The following LRP1B variants were observed in gnomAD, a reference collection of about 807,000 sequenced individuals.
LRP1B encodes the protein LDL receptor related protein 1B, also known as low-density lipoprotein receptor-related protein 1B.
LRP1B carries 217 observed loss-of-function variants against 556.6 expected under a neutral mutation model. That is an observed-to-expected ratio of 0.39 (90% CI 0.35 to 0.44). LRP1B has a LOEUF of 0.44. Among genes scored for constraint, LRP1B ranks in the 20% least tolerant of loss-of-function variants. The pLI is 1.00. For missense variants in LRP1B, 5,053 were observed against 5,620.8 expected (o/e 0.90, Z 3.23); for synonymous variants, 2,047 against 1,865.8 (o/e 1.10, Z -2.50).
chr2:141,451,043 A>C (rs1573959575), intron 3 of LRP1B, among the ~76,000 whole-genome samples: 1 of 152,328 alleles, frequency 6.6e-6, no homozygotes, highest in East Asian at 1.9e-4. Context: ...TAATGACTAT[A>C]ATTCCAAGAC....
At chr2:140,937,961 C>T (rs1695278700) in intron 20 of LRP1B, among the ~76,000 whole-genome samples, 2 of 151,300 alleles carry the variant, frequency 1.3e-5, no homozygotes, top group Admixed American at 1.3e-4. Context: ...TGATTTTCCA[C>T]AAAGAACATA....
chr2:140,252,839 A>C (rs569103912), intron 86 of LRP1B, among the ~76,000 whole-genome samples: 9 of 152,206 alleles, frequency 5.9e-5, no homozygotes, highest in African/African-American at 1.9e-4. Flanking sequence ...AGATGTATCT[A>C]ATATATCTTT....
chr2:141,086,014 G>A lies in LRP1B; in HGVS notation c.1014-23741C>T, dbSNP rs535717779. Among the ~76,000 whole-genome samples the A allele has an allele frequency of 3.3e-5, 5 of 152,256 alleles. No homozygotes were observed. In the South Asian group the frequency reaches 8.3e-4, roughly 25 times the overall value. On this transcript the variant is annotated intron_variant, in intron 7 of 90. Transcript: ENST00000389484. ...TTGGTGATACTACACAGGCAATATT[G>A]GTAGTTTTCATGCATGCCAGAGGAA...
intron 1 of LRP1B, among the ~76,000 whole-genome samples, chr2:141,909,530 T>TTTTTC (rs1699852450): frequency 2.4e-5 from 1 of 41,182 alleles, no homozygotes; most frequent in Admixed American, 2.0e-4. Context: ...TCAGACATTT[T>TTTTTC]TTTTTTTTTT....
At chr2:140,491,584 GAA>G (rs199708824) in intron 57 of LRP1B, among the ~76,000 whole-genome samples, 2 of 151,732 alleles carry the variant, frequency 1.3e-5, no homozygotes, top group Non-Finnish European at 1.5e-5. Flanking sequence ...TAAAAATACA[GAA>G]AAAAATATAT....
intron 2 of LRP1B, among the ~76,000 whole-genome samples, chr2:141,594,248 G>A (rs1483512043): frequency 6.6e-6 from 1 of 152,058 alleles, no homozygotes; most frequent in Non-Finnish European, 1.5e-5. Context: ...ACTCTCTGGT[G>A]TGTGTGTGCC....
intron 25 of LRP1B, among the ~76,000 whole-genome samples, chr2:140,868,626 A>C (rs1294772651): frequency 1.3e-5 from 2 of 152,084 alleles, no homozygotes; most frequent in Non-Finnish European, 2.9e-5. Context: ...TAAACAACAT[A>C]TGCTAAGGCC....
intron 1 of LRP1B, among the ~76,000 whole-genome samples, chr2:141,948,628 T>C (rs987088738): frequency 6.6e-6 from 1 of 151,982 alleles, no homozygotes; most frequent in African/African-American, 2.4e-5. Context: ...TTGATGAGCA[T>C]TGAAGCCAAT....
At chr2:141,292,801 A>G (rs1005594476) in intron 3 of LRP1B, among the ~76,000 whole-genome samples, 5 of 152,194 alleles carry the variant, frequency 3.3e-5, no homozygotes, top group Admixed American at 6.5e-5. Context: ...GAATCGAAAT[A>G]AACTTGACAA....
intron 3 of LRP1B, among the ~76,000 whole-genome samples, chr2:141,361,834 AT>A (rs552896627): frequency 1.2e-3 from 179 of 152,284 alleles, no homozygotes; most frequent in African/African-American, 4.1e-3. Context: ...TAAGAAAAAA[AT>A]ATCTATCATT....
At chr2:141,112,071 T>TAAATAAATAAATAAATA (rs1553461490) in intron 7 of LRP1B, among the ~76,000 whole-genome samples, 5 of 145,754 alleles carry the variant, frequency 3.4e-5, no homozygotes, top group African/African-American at 1.3e-4. Context: ...AATAAATAAA[T>TAAATAAATAAATAAATA]AATAAATAAA....
intron 3 of LRP1B, among the ~76,000 whole-genome samples, chr2:141,318,937 G>A (rs1211663850): frequency 6.6e-6 from 1 of 151,978 alleles, no homozygotes; most frequent in Admixed American, 6.6e-5. Flanking sequence ...AATCCCGAGA[G>A]AACAGCTTTT....
intron 1 of LRP1B, among the ~76,000 whole-genome samples, chr2:141,894,690 G>A (rs1212609858): frequency 7.4e-6 from 1 of 135,504 alleles, no homozygotes; most frequent in African/African-American, 2.7e-5. Context: ...GATCTAGATC[G>A]AATTTAGGTG....
intron 1 of LRP1B, among the ~76,000 whole-genome samples, chr2:141,923,596 T>C (rs530308491): frequency 6.6e-6 from 1 of 150,976 alleles, no homozygotes; most frequent in East Asian, 2.0e-4. Context: ...ATGGTAATGT[T>C]ACCCTGAATT....
At chr2:141,386,442 A>G (rs1276024368) in intron 3 of LRP1B, among the ~76,000 whole-genome samples, 1 of 152,166 alleles carries the variant, frequency 6.6e-6, no homozygotes, top group Non-Finnish European at 1.5e-5. Flanking sequence ...TTTTTAAAAA[A>G]GCATGATCCA....
chr2:140,710,975 C>G (rs1313679194), intron 37 of LRP1B, among the ~76,000 whole-genome samples: 4 of 151,896 alleles, frequency 2.6e-5, no homozygotes, highest in African/African-American at 9.7e-5. Flanking sequence ...CTGAGCCTAT[C>G]TGAAAGCAAA....
At chr2:142,099,345 C>T (rs1250370589) in intron 1 of LRP1B, among the ~76,000 whole-genome samples, 1 of 151,762 alleles carries the variant, frequency 6.6e-6, no homozygotes. Flanking sequence ...GACCAGGAGG[C>T]AATAAATTTT....
At chr2:140,961,602 T>G (rs1297468089) in intron 18 of LRP1B, among the ~76,000 whole-genome samples, 1 of 152,104 alleles carries the variant, frequency 6.6e-6, no homozygotes, top group Non-Finnish European at 1.5e-5. Context: ...ATTAGAAATT[T>G]GACTATTTTT....
chr2:140,745,718 T>C (rs1316263404), intron 35 of LRP1B, among the ~76,000 whole-genome samples: 2 of 152,170 alleles, frequency 1.3e-5, no homozygotes, highest in East Asian at 1.9e-4. Context: ...CTTCACTTCC[T>C]ACCCAATGTA....
Sources: allele counts gnomAD v4.1 joint callset (sites outside exome capture counted in the v4.1 genomes callset), GRCh38; gene constraint gnomAD v4.1.1; transcripts MANE v1.5; gene names NCBI Gene and HGNC (gene_info 2026-07-23, HGNC 2026-07-21).